Variants in NRXN3 observed in about 807,000 individuals in gnomAD.
NRXN3 encodes neurexin III.
Under a neutral mutation model 137.6 loss-of-function variants are expected in NRXN3, and 32 were observed. That is an observed-to-expected ratio of 0.23 (90% CI 0.18 to 0.31). NRXN3 has a LOEUF of 0.31. NRXN3 is among the 10% of genes least tolerant of loss of function. The probability of loss-of-function intolerance (pLI) is 1.00; values close to 1 mark genes in which losing one functional copy is unlikely to be tolerated. For synonymous variants in NRXN3, 798 were observed against 784.5 expected (o/e 1.02, Z -0.29); for missense variants, 1,574 against 2,062.5 (o/e 0.76, Z 4.59).
chr14:78,241,931 G>C (rs1274228052), intron 1 of NRXN3, among the ~76,000 whole-genome samples: 2 of 151,968 alleles, frequency 1.3e-5, no homozygotes, highest in Non-Finnish European at 2.9e-5. Flanking sequence ...CAAATTTAGG[G>C]GTAGCAATTT....
chr14:78,371,240 G>C (rs1189034500), intron 4 of NRXN3, among the ~76,000 whole-genome samples: 1 of 152,160 alleles, frequency 6.6e-6, no homozygotes, highest in Non-Finnish European at 1.5e-5. Context: ...GTGGCTGAAC[G>C]TAGAGAGGAG....
Position 79,742,164 on chromosome 14 carries a change from A to G in NRXN3, c.4014+44227A>G, listed in dbSNP as rs2098965327. Among the ~76,000 whole-genome samples, 3 of 151,236 alleles carry G rather than the reference A, an allele frequency of 2.0e-5. No homozygotes were observed. In the South Asian group the frequency reaches 6.3e-4, roughly 32 times the overall value. ...ATTAATTCTTTTGGTTTAGAATGAC[A>G]TTCCTATCATTGTTAGAACAAGGGA... is the stretch of plus-strand genomic sequence containing the variant. On this transcript the variant is annotated intron_variant, in intron 19 of 20. Coordinates refer to ENST00000335750, the MANE Select transcript of NRXN3 (RefSeq NM_001330195.2).
intron 4 of NRXN3, among the ~76,000 whole-genome samples, chr14:78,427,255 G>A (rs2093698752): frequency 6.6e-6 from 1 of 152,146 alleles, no homozygotes; most frequent in Non-Finnish European, 1.5e-5. Context: ...AATAGGAACT[G>A]GGCAACCTGT....
chr14:79,569,226 T>C lies in NRXN3; in HGVS notation c.3445-94552T>C, dbSNP rs528107090. ...TACTAACCTCCTACCAAACAATCCC[T>C]GTTGCCACTCTACTGAAAATACATT... is the stretch of plus-strand genomic sequence containing the variant. On this transcript the variant is annotated intron_variant, in intron 16 of 20. Transcript: ENST00000335750. Among the ~76,000 whole-genome samples the C allele has an allele frequency of 3.3e-5, 5 of 152,180 alleles. No individual in the cohort carries two copies. In the South Asian group the frequency reaches 8.3e-4, roughly 25 times the overall value.
chr14:78,662,360 G>A (rs532503174), intron 6 of NRXN3, among the ~76,000 whole-genome samples: 53 of 152,076 alleles, frequency 3.5e-4, no homozygotes, highest in African/African-American at 1.1e-3. Flanking sequence ...TTTGAGAGTC[G>A]TCTTCATACA....
At chr14:78,226,082 C>T (rs1314702356) in intron 1 of NRXN3, among the ~76,000 whole-genome samples, 1 of 151,522 alleles carries the variant, frequency 6.6e-6, no homozygotes, top group East Asian at 2.0e-4. Flanking sequence ...CCGCTCACTG[C>T]AACATCTGCC....
chr14:79,448,257 G>T (rs545083347), intron 15 of NRXN3, among the ~76,000 whole-genome samples: 1 of 152,206 alleles, frequency 6.6e-6, no homozygotes, highest in East Asian at 1.9e-4. Context: ...CTCCCTCTCT[G>T]CACTCAGATT....
rs560366035 is a variant in NRXN3, at chr14:79,307,805, C to T, written c.3263-159416C>T. Among the ~76,000 whole-genome samples the T allele has an allele frequency of 2.0e-3, 302 of 150,146 alleles. 2 individuals carry two copies. The highest frequency in any genetic ancestry group is 5.8e-3 in the African/African-American group (238 of 41,112). On this transcript the variant is annotated intron_variant, in intron 15 of 20. Coordinates refer to ENST00000335750, the MANE Select transcript of NRXN3 (RefSeq NM_001330195.2). The stretch of plus-strand genomic sequence containing the variant: ...CTTTCTCTCTTTCTTTATTTTTTTT[C>T]TCTCTCTCTCTCTTTTCCCCTGGCA...
At chr14:79,820,392 T>TA (rs1293838627) in intron 20 of NRXN3, among the ~76,000 whole-genome samples, 2 of 152,306 alleles carry the variant, frequency 1.3e-5, no homozygotes, top group African/African-American at 4.8e-5. Flanking sequence ...TAACGTGTTC[T>TA]ACCACCTGGC....
intron 15 of NRXN3, among the ~76,000 whole-genome samples, chr14:79,286,535 AAT>A (rs111827205): frequency 0.024 from 3,319 of 139,532 alleles, 110 homozygotes; most frequent in African/African-American, 0.079. Flanking sequence ...TTGAGAGAAT[AAT>A]ATATATATAT....
intron 19 of NRXN3, among the ~76,000 whole-genome samples, chr14:79,709,476 G>GA (rs943712070): frequency 6.6e-6 from 1 of 152,004 alleles, no homozygotes; most frequent in Non-Finnish European, 1.5e-5. Flanking sequence ...AAGGCAGATG[G>GA]AAAAAAACAT....
intron 16 of NRXN3, among the ~76,000 whole-genome samples, chr14:79,591,084 C>G (rs967798584): frequency 2.2e-4 from 33 of 152,298 alleles, no homozygotes; most frequent in African/African-American, 7.9e-4. Context: ...TTTTCATTAA[C>G]AACATGGGCT....
At position 79,084,993 on chromosome 14, in the gene NRXN3, G is replaced by A. The variant is rs370751710; in HGVS notation, c.3262+96852G>A. On this transcript the variant is annotated intron_variant, in intron 15 of 20. Transcript: ENST00000335750. ...ATTAAGGCTTAAGAGCTGACGAGAC[G>A]TTTTATTTGCCTCCTGCTTTTGGGA... Among the ~76,000 whole-genome samples, 113 of 152,180 alleles carry A rather than the reference G, an allele frequency of 7.4e-4. 2 individuals are homozygous for A. Among genetic ancestry groups the A allele is most frequent in the African/African-American group, 2.4e-3 (100 of 41,542 alleles).
chr14:78,189,410 AC>A (rs931072449), intron 1 of NRXN3, among the ~76,000 whole-genome samples: 1 of 152,072 alleles, frequency 6.6e-6, no homozygotes, highest in Admixed American at 6.5e-5. Flanking sequence ...GGTCTTCACA[AC>A]CACCTGCAGT....
At chr14:78,628,968 T>C (rs1468370236) in intron 4 of NRXN3, among the ~76,000 whole-genome samples, 1 of 152,228 alleles carries the variant, frequency 6.6e-6, no homozygotes, top group Non-Finnish European at 1.5e-5. Flanking sequence ...TCTAATTGGA[T>C]GACCCTGGAC....
chr14:78,764,789 A>G (rs1429854141), intron 8 of NRXN3, among the ~76,000 whole-genome samples: 1 of 152,110 alleles, frequency 6.6e-6, no homozygotes, highest in Non-Finnish European at 1.5e-5. Context: ...TCAGGCTTCC[A>G]AGAGTTTTCG....
chr14:79,047,360 T>C (rs2099634589), intron 15 of NRXN3, among the ~76,000 whole-genome samples: 2 of 152,210 alleles, frequency 1.3e-5, no homozygotes, highest in Admixed American at 1.3e-4. Context: ...TGGGAAAATA[T>C]CTTTGAAAGT....
chr14:79,315,182 T>C (rs897006962), intron 15 of NRXN3, among the ~76,000 whole-genome samples: 8 of 152,322 alleles, frequency 5.3e-5, no homozygotes, highest in Admixed American at 3.9e-4. Context: ...ATTATTATTG[T>C]AATGGCATTA....
At chr14:79,726,903 C>T (rs78805932) in intron 19 of NRXN3, among the ~76,000 whole-genome samples, 1 of 152,028 alleles carries the variant, frequency 6.6e-6, no homozygotes, top group Non-Finnish European at 1.5e-5. Flanking sequence ...GCTTTGAGGT[C>T]AAGCAGACCT....
Sources: allele counts gnomAD v4.1 joint callset (sites outside exome capture counted in the v4.1 genomes callset), GRCh38; gene constraint gnomAD v4.1.1; transcripts MANE v1.5; gene names NCBI Gene and HGNC (gene_info 2026-07-23, HGNC 2026-07-21).